The following ART1 variants were observed in gnomAD, a reference collection of about 807,000 sequenced individuals.
ART1 encodes the protein GPI-linked NAD(P)(+)--arginine ADP-ribosyltransferase 1.
ART1 carries 29 observed loss-of-function variants against 27.0 expected under a neutral mutation model. The observed-to-expected ratio is 1.08, with a 90% CI of 0.80 to 1.47. The LOEUF (loss-of-function observed/expected upper bound fraction) is 1.47, where lower values mean the gene tolerates loss of function less well. ART1 is among the 40% of genes most tolerant of loss of function. ART1 has a pLI of 0.00. For missense variants in ART1, 480 were observed against 423.0 expected (o/e 1.13, Z -1.18); for synonymous variants, 201 against 172.2 (o/e 1.17, Z -1.31).
chr11:3,661,490 C>CTTTTTTT (rs530856927), intron 4 of ART1, 77 bp downstream of exon 4: 228 of 320,350 alleles, frequency 7.1e-4, no homozygotes, highest in South Asian at 1.2e-3. Context: ...TCACCTCGAT[C>CTTTTTTT]TTTTTTTTTT....
chr11:3,649,841 C>T (rs2077504583), intron 1 of ART1, among the ~76,000 whole-genome samples: 1 of 152,176 alleles, frequency 6.6e-6, no homozygotes. Flanking sequence ...ATAAGAAAAA[C>T]CCCGCCCAGT....
intron 1 of ART1, among the ~76,000 whole-genome samples, chr11:3,656,355 C>CTTATTTAT (rs759921970): frequency 0.051 from 7,136 of 140,140 alleles, 334 homozygotes; most frequent in South Asian, 0.12. Context: ...TGTAGCCTGG[C>CTTATTTAT]TTATTTATTT....
intron 1 of ART1, among the ~76,000 whole-genome samples, chr11:3,653,500 A>T (rs993334568): frequency 6.6e-6 from 1 of 150,576 alleles, no homozygotes; most frequent in Admixed American, 6.6e-5. Context: ...ATCTACCCAA[A>T]TCCTATAAAA....
chr11:3,652,391 A>G (rs2133951858), intron 1 of ART1, among the ~76,000 whole-genome samples: 1 of 149,266 alleles, frequency 6.7e-6, no homozygotes, highest in South Asian at 2.1e-4. Context: ...GGCTCTTAGT[A>G]TTCAGTGAAA....
At chr11:3,658,131 G>C (rs1232220162) in intron 1 of ART1, among the ~76,000 whole-genome samples, 1 of 151,888 alleles carries the variant, frequency 6.6e-6, no homozygotes, top group Non-Finnish European at 1.5e-5. Flanking sequence ...TCAGGAGTTC[G>C]AGACCATCCT....
intron 4 of ART1, among the ~76,000 whole-genome samples, chr11:3,663,014 C>T (rs1466237497): frequency 6.8e-6 from 1 of 147,854 alleles, no homozygotes; most frequent in Admixed American, 6.7e-5. Flanking sequence ...CATCTCATCT[C>T]ATCATCTCAT....
chr11:3,660,495 C>G lies in ART1; in HGVS notation c.844+132C>G, dbSNP rs987984587. 1.9e-5 allele frequency: 20 copies of G among 1,077,102 alleles called. No homozygotes were observed. The African/African-American group carries it at 3.0e-4, about 16-fold the overall frequency. 66.7% of individuals were successfully genotyped at this position (1,077,102 alleles called of 1,614,324 possible). On this transcript the variant is annotated intron_variant, in intron 3 of 4. Coordinates refer to ENST00000250693, the MANE Select transcript of ART1 (RefSeq NM_004314.3). ...TAAATACAAGTCATATCCACCAGCT[C>G]CCAACCCCTTCCATCTAAGGGGAGA...
chr11:3,653,720 C>G (rs1161440710), intron 1 of ART1, among the ~76,000 whole-genome samples: 1 of 152,120 alleles, frequency 6.6e-6, no homozygotes, highest in Non-Finnish European at 1.5e-5. Flanking sequence ...TGGGTGTCAT[C>G]CTTGATTTTT....
At chr11:3,663,150 C>CTCATCA (rs2077636465) in intron 4 of ART1, among the ~76,000 whole-genome samples, 3 of 140,622 alleles carry the variant, frequency 2.1e-5, no homozygotes, top group South Asian at 2.3e-4. Flanking sequence ...TCATCATCAT[C>CTCATCA]TCATCTCATC....
At chr11:3,647,194 A>C (rs767896874) in intron 1 of ART1, among the ~76,000 whole-genome samples, 3 of 152,088 alleles carry the variant, frequency 2.0e-5, no homozygotes, top group Non-Finnish European at 4.4e-5. Flanking sequence ...ATGATGGCAC[A>C]TGCCTGTAAT....
At chr11:3,652,088 G>T (rs925434314) in intron 1 of ART1, among the ~76,000 whole-genome samples, 6 of 151,520 alleles carry the variant, frequency 4.0e-5, no homozygotes, top group Middle Eastern at 3.4e-3. Flanking sequence ...ACTCCTCAGG[G>T]ATCATTCAGG....
Position 3,654,763 on chromosome 11 carries a change from C to A in ART1, c.-52-4399C>A, listed in dbSNP as rs966711479. Among the ~76,000 whole-genome samples, 123 of 146,592 alleles carry A rather than the reference C, an allele frequency of 8.4e-4. 1 individual carries two copies. The highest frequency in any genetic ancestry group is 1.7e-3 in the Admixed American group (24 of 14,304). ...CTGTCTATCCTCACTGCCATTCTCC[C>A]ATCAGACATCAAGTCTTGTAAATTC... On this transcript the variant is annotated intron_variant, in intron 1 of 4. Transcript: ENST00000250693.
chr11:3,648,807 T>C (rs1398663080), intron 1 of ART1, among the ~76,000 whole-genome samples: 1 of 151,222 alleles, frequency 6.6e-6, no homozygotes, highest in Non-Finnish European at 1.5e-5. Context: ...CAACCCCTTT[T>C]CTCTGTGTCT....
chr11:3,660,314 C>G lies in ART1; in HGVS notation c.795C>G (p.Tyr265Ter). ...SRLAQGPARI[Y>*]LRALGKHSTY... is the part of the protein sequence containing the mutation. Reference sequence around the variant, plus strand: ...TGGCCCAGGGCCCCGCCCGCATCTACCTCCGAGCCCTGGGCAAGCACAGCA... The same window carrying G: ...TGGCCCAGGGCCCCGCCCGCATCTAGCTCCGAGCCCTGGGCAAGCACAGCA... The change falls in exon 3 of 5, where the codon TAC becomes TAG. Residue 265 changes from tyrosine (Y) to a stop codon, truncating the protein, a stop_gained. Coordinates refer to ENST00000250693, the MANE Select transcript of ART1 (RefSeq NM_004314.3). LOFTEE classifies it high-confidence loss of function. 1 of 1,607,392 alleles carries G rather than the reference C, an allele frequency of 6.2e-7. No homozygotes were observed. Among genetic ancestry groups the G allele is most frequent in the Non-Finnish European group, 8.5e-7 (1 of 1,179,956 alleles).
chr11:3,646,360 C>T (rs1205664023), intron 1 of ART1, among the ~76,000 whole-genome samples: 2 of 152,020 alleles, frequency 1.3e-5, no homozygotes, highest in Non-Finnish European at 2.9e-5. Flanking sequence ...TCTCACCCAG[C>T]ATTAGTTGGC....
chr11:3,655,131 G>C (rs950643214), intron 1 of ART1, among the ~76,000 whole-genome samples: 1 of 152,198 alleles, frequency 6.6e-6, no homozygotes, highest in African/African-American at 2.4e-5. Flanking sequence ...CTCAGCTGGG[G>C]TCTTCCTTGC....
At chr11:3,663,843 G>C (rs2077640646) in intron 4 of ART1, 3 of 432,302 alleles carry the variant, frequency 6.9e-6, no homozygotes. Flanking sequence ...AGCAGTGGGG[G>C]GACTGTACAT....
intron 1 of ART1, among the ~76,000 whole-genome samples, chr11:3,654,847 T>A (rs1265809490): frequency 6.6e-6 from 1 of 152,252 alleles, no homozygotes; most frequent in Non-Finnish European, 1.5e-5. Flanking sequence ...ACTAATTCCA[T>A]GTCCTCAGTC....
intron 2 of ART1, 75 bp downstream of exon 2, chr11:3,659,351 A>G: frequency 6.3e-7 from 1 of 1,595,170 alleles, no homozygotes; most frequent in South Asian, 1.1e-5. Flanking sequence ...TGGAGGGAGA[A>G]AGAGAGAGAG....
Sources: gnomAD v4.1 joint callset for allele counts (sites outside exome capture counted in the v4.1 genomes callset) on GRCh38, gnomAD v4.1.1 for gene constraint, MANE v1.5 for transcripts, NCBI Gene and HGNC (gene_info 2026-07-23, HGNC 2026-07-21) for gene names.